Variants in CFAP96 observed in about 807,000 individuals in gnomAD.
CFAP96 encodes cilia-and flagella-associated protein 96.
chr4:185,435,816 C>A, the CFAP96 span, among the ~76,000 whole-genome samples: 4 of 152,082 alleles, frequency 2.6e-5, no homozygotes, highest in East Asian at 7.7e-4. Flanking sequence ...ATGATTCTAA[C>A]TTCCTAAGGA....
chr4:185,443,344 T>TATATATATATATATATATATATATA, the CFAP96 span, among the ~76,000 whole-genome samples: 2 of 17,138 alleles, frequency 1.2e-4, no homozygotes, highest in African/African-American at 4.0e-4. Flanking sequence ...ATATATATAT[T>TATATATATATATATATATATATATA]TTTTTTTTTT....
At chr4:185,409,510 A>C in the CFAP96 span, among the ~76,000 whole-genome samples, 1 of 152,074 alleles carries the variant, frequency 6.6e-6, no homozygotes, top group Non-Finnish European at 1.5e-5. Flanking sequence ...GATATTTTTA[A>C]AAAATTAAGT....
chr4:185,446,883 T>A, the CFAP96 span, among the ~76,000 whole-genome samples: 1 of 152,212 alleles, frequency 6.6e-6, no homozygotes, highest in Non-Finnish European at 1.5e-5. Flanking sequence ...AGTTCCTTTG[T>A]AAGGTGGCTA....
chr4:185,429,115 G>A, the CFAP96 span, among the ~76,000 whole-genome samples: 5 of 152,188 alleles, frequency 3.3e-5, no homozygotes, highest in Non-Finnish European at 7.3e-5. Flanking sequence ...TAATTTGTGA[G>A]CACTTCATAC....
the CFAP96 span, chr4:185,440,570 A>C: frequency 2.0e-6 from 3 of 1,533,414 alleles, no homozygotes; most frequent in South Asian, 1.2e-5. Context: ...TCGTTTACTT[A>C]AAGGAGCACC....
chr4:185,412,860 AG>A, the CFAP96 span, among the ~76,000 whole-genome samples: 1 of 152,126 alleles, frequency 6.6e-6, no homozygotes, highest in Non-Finnish European at 1.5e-5. Context: ...ATGCCTTATA[AG>A]GTCCTTTCTC....
At chr4:185,424,198 C>T in the CFAP96 span, among the ~76,000 whole-genome samples, 1 of 151,376 alleles carries the variant, frequency 6.6e-6, no homozygotes. Flanking sequence ...TCCAGCTACT[C>T]GGGAGGTTAA....
the CFAP96 span, among the ~76,000 whole-genome samples, chr4:185,421,059 A>G: frequency 6.6e-6 from 1 of 152,228 alleles, no homozygotes; most frequent in Non-Finnish European, 1.5e-5. Flanking sequence ...AGGCCTGAAA[A>G]TGAGTGATTT....
chr4:185,435,949 C>T, the CFAP96 span: 4 of 942,566 alleles, frequency 4.2e-6, no homozygotes, highest in African/African-American at 1.7e-5. Flanking sequence ...GCATTTTTTT[C>T]TCTTTTTTTC....
At chr4:185,443,948 T>C in the CFAP96 span, among the ~76,000 whole-genome samples, 1 of 60,518 alleles carries the variant, frequency 1.7e-5, no homozygotes, top group African/African-American at 9.4e-5. Flanking sequence ...TTTTTTTTTT[T>C]TTTTTTTTTT....
At chr4:185,414,103 A>T in the CFAP96 span, among the ~76,000 whole-genome samples, 1 of 152,236 alleles carries the variant, frequency 6.6e-6, no homozygotes, top group African/African-American at 2.4e-5. Flanking sequence ...GGAACAGAGA[A>T]AAATGAATAT....
At chr4:185,443,921 CTTTTTTTTTTT>C in the CFAP96 span, among the ~76,000 whole-genome samples, 60 of 82,784 alleles carry the variant, frequency 7.2e-4, no homozygotes, top group Non-Finnish European at 8.6e-4. Context: ...CTATATCTTT[CTTTTTTTTTTT>C]TTTTTTTTTT....
At chr4:185,445,371 A>G in the CFAP96 span, 4 of 801,044 alleles carry the variant, frequency 5.0e-6, no homozygotes, top group Admixed American at 1.0e-4. Context: ...TTCTGTGCAT[A>G]ATTTTTAAAG....
the CFAP96 span, chr4:185,436,049 T>G: frequency 6.6e-7 from 1 of 1,521,520 alleles, no homozygotes; most frequent in African/African-American, 1.4e-5. Flanking sequence ...ATTTAAGATG[T>G]GGCTTAGGAA....
chr4:185,430,429 A>C, the CFAP96 span, among the ~76,000 whole-genome samples: 1 of 152,240 alleles, frequency 6.6e-6, no homozygotes. Context: ...GCATTTAAAA[A>C]AATGAAAAAG....
chr4:185,410,088 G>C, the CFAP96 span, among the ~76,000 whole-genome samples: 1 of 151,962 alleles, frequency 6.6e-6, no homozygotes, highest in Non-Finnish European at 1.5e-5. Flanking sequence ...AAATTTCAGA[G>C]TTAGTTTCAC....
At chr4:185,437,485 G>T in the CFAP96 span, among the ~76,000 whole-genome samples, 3 of 152,072 alleles carry the variant, frequency 2.0e-5, no homozygotes, top group Non-Finnish European at 4.4e-5. Flanking sequence ...GTTATTAGAG[G>T]CATGCAGGCT....
At chr4:185,428,318 A>T in the CFAP96 span, among the ~76,000 whole-genome samples, 2 of 152,060 alleles carry the variant, frequency 1.3e-5, no homozygotes, top group Non-Finnish European at 2.9e-5. Flanking sequence ...TCATGCCTGT[A>T]ATCCCAGCGC....
the CFAP96 span, among the ~76,000 whole-genome samples, chr4:185,409,859 A>G: frequency 6.6e-6 from 1 of 152,178 alleles, no homozygotes; most frequent in African/African-American, 2.4e-5. Flanking sequence ...GGAGGCAGAG[A>G]TCGGAATGAT....
Sources: gnomAD v4.1 joint callset for allele counts (sites outside exome capture counted in the v4.1 genomes callset) on GRCh38, gnomAD v4.1.1 for gene constraint, MANE v1.5 for transcripts, NCBI Gene and HGNC (gene_info 2026-07-23, HGNC 2026-07-21) for gene names.